The following C1orf115 variants were observed in gnomAD, a reference collection of about 807,000 sequenced individuals.
C1orf115 encodes required for drug-induced death protein 1.
Under a neutral mutation model 12.5 loss-of-function variants are expected in C1orf115, and 14 were observed. That is an observed-to-expected ratio of 1.12 (90% CI 0.74 to 1.75). The LOEUF (loss-of-function observed/expected upper bound fraction) is 1.75. C1orf115 is among the 40% of genes most tolerant of loss of function. The pLI is 0.00. For synonymous variants in C1orf115, 109 were observed against 104.6 expected (o/e 1.04, Z -0.26); for missense variants, 237 against 220.8 (o/e 1.07, Z -0.46).
chr1:220,690,787 C>A, intron 1 of C1orf115, 76 bp downstream of exon 1: 1 of 1,486,604 alleles, frequency 6.7e-7, no homozygotes, highest in Non-Finnish European at 9.0e-7. Flanking sequence ...CGGGTCCTTA[C>A]CATCGACTCA....
rs1670232744 is a variant in C1orf115 at position 220,698,980 on chromosome 1, G to T, written c.*2249G>T. On this transcript the variant is annotated 3_prime_UTR_variant, in exon 2 of 2. Coordinates refer to ENST00000294889, the MANE Select transcript of C1orf115 (RefSeq NM_024709.5). Reference sequence around the variant, plus strand: ...CCTGGAGTGTAAGCATTTGGATTGTGTCACAGATTACCTTTTTACCTTTTC... The same window carrying T: ...CCTGGAGTGTAAGCATTTGGATTGTTTCACAGATTACCTTTTTACCTTTTC... 1 of 152,078 alleles carries T rather than the reference G, an allele frequency of 6.6e-6. No individual in the cohort carries two copies. The highest frequency in any genetic ancestry group is 1.5e-5 in the Non-Finnish European group (1 of 68,022). 9.4% of individuals were successfully genotyped at this position (152,078 alleles called of 1,614,324 possible).
At chr1:220,694,034 C>T (rs753478006) in intron 1 of C1orf115, among the ~76,000 whole-genome samples, 6 of 143,922 alleles carry the variant, frequency 4.2e-5, no homozygotes, top group African/African-American at 1.3e-4. Context: ...GAGCTGAGAT[C>T]GCGCCATTGC....
chr1:220,691,466 G>A (rs988776245), intron 1 of C1orf115, among the ~76,000 whole-genome samples: 1 of 152,150 alleles, frequency 6.6e-6, no homozygotes, highest in African/African-American at 2.4e-5. Flanking sequence ...AGTCACAGAA[G>A]TTACTGTGTC....
At chr1:220,695,057 A>C (rs907672908) in intron 1 of C1orf115, among the ~76,000 whole-genome samples, 16 of 152,202 alleles carry the variant, frequency 1.1e-4, no homozygotes, top group Non-Finnish European at 2.1e-4. Context: ...AGAAAGACAG[A>C]AAAGCGTCCA....
chr1:220,693,889 A>T lies in C1orf115; in HGVS notation c.310-2723A>T, dbSNP rs147421005. Among the ~76,000 whole-genome samples the T allele has an allele frequency of 7.2e-5, 11 of 152,080 alleles. No individual in the cohort carries two copies. In the East Asian group the frequency reaches 2.1e-3, roughly 30 times the overall value. On this transcript the variant is annotated intron_variant, in intron 1 of 1. Transcript: ENST00000294889. The stretch of plus-strand genomic sequence containing the variant: ...AGGTCAGGAGCTGGAAACCAGACTG[A>T]CGAACATGGTGAACCCTGTCTCTAC...
chr1:220,697,301 A>C lies in C1orf115; in HGVS notation c.*570A>C, dbSNP rs1232009424. The C allele has an allele frequency of 6.6e-6, 1 of 152,204 alleles. No individual in the cohort carries two copies. The highest frequency in any genetic ancestry group is 1.5e-5 in the Non-Finnish European group (1 of 68,100). 9.4% of individuals were successfully genotyped at this position (152,204 alleles called of 1,614,324 possible). ...TTACAGGCTTGAGGAGAAGAAAGGA[A>C]GAAAAGATATCTTGATGCTTTGAAA... On this transcript the variant is annotated 3_prime_UTR_variant, in exon 2 of 2. Transcript: ENST00000294889. This position sits in a 1 kb window ranked among gnomAD's most constrained non-coding sequence, Gnocchi z 4.5.
chr1:220,690,435 G>A lies in C1orf115; in HGVS notation c.33G>A (p.Ala11=). The A allele has an allele frequency of 6.9e-7, 1 of 1,443,546 alleles. No homozygotes were observed. The highest frequency in any genetic ancestry group is 9.0e-7 in the Non-Finnish European group (1 of 1,106,338). The allele number at this position is 1,443,546 out of a possible 1,614,324, so 89.4% of individuals were successfully genotyped here. A position where few individuals can be genotyped will look rare whatever the true frequency, so the allele number is the denominator to read the frequency against. MTVGARLRSK[A]ESSLLRRGPR... ...TGGGAGCCAGGCTCCGAAGCAAGGC[G>A]GAGAGCAGCCTCCTGCGCCGCGGGC... Residue 11 remains alanine (A), a synonymous_variant, in exon 1 of 2, where the codon GCG becomes GCA. Coordinates refer to ENST00000294889, the MANE Select transcript of C1orf115 (RefSeq NM_024709.5).
chr1:220,693,236 C>A (rs1670139916), intron 1 of C1orf115, among the ~76,000 whole-genome samples: 1 of 152,196 alleles, frequency 6.6e-6, no homozygotes, highest in Non-Finnish European at 1.5e-5. Flanking sequence ...CATTTCATTT[C>A]TCAAATCTGT....
intron 1 of C1orf115, among the ~76,000 whole-genome samples, chr1:220,693,410 A>G (rs568719886): frequency 7.9e-5 from 12 of 152,336 alleles, no homozygotes; most frequent in African/African-American, 2.6e-4. Context: ...GATCTTGTTT[A>G]TAATGGATCA....
At chr1:220,693,665 T>A (rs116823657) in intron 1 of C1orf115, among the ~76,000 whole-genome samples, 1 of 152,236 alleles carries the variant, frequency 6.6e-6, no homozygotes, top group Non-Finnish European at 1.5e-5. Flanking sequence ...AGCTCCTCAT[T>A]TAGCGGGAGA....
At chr1:220,694,664 C>T (rs915226557) in intron 1 of C1orf115, among the ~76,000 whole-genome samples, 2 of 152,182 alleles carry the variant, frequency 1.3e-5, no homozygotes, top group African/African-American at 2.4e-5. Context: ...AGCCAATCCA[C>T]GTTAGGTTTA....
chr1:220,694,532 T>G (rs1670159606), intron 1 of C1orf115, among the ~76,000 whole-genome samples: 1 of 152,200 alleles, frequency 6.6e-6, no homozygotes. Flanking sequence ...TGAAGTGAGA[T>G]TTCTTTGGGA....
rs1670230490 is a variant in C1orf115, at chr1:220,698,842, A to C, written c.*2111A>C. On this transcript the variant is annotated 3_prime_UTR_variant, in exon 2 of 2. Coordinates refer to ENST00000294889, the MANE Select transcript of C1orf115 (RefSeq NM_024709.5). ...CTAATGTCAAAAGTCAAAACCTCCT[A>C]GGGGTTGTCCTGGGAGTCAGGTTCA... 1.3e-5 allele frequency: 2 copies of C among 152,114 alleles called. No homozygotes were observed. The highest frequency in any genetic ancestry group is 2.9e-5 in the Non-Finnish European group (2 of 68,026). The allele number at this position is 152,114 out of a possible 1,614,324, so 9.4% of individuals were successfully genotyped here.
At position 220,696,762 on chromosome 1, in the gene C1orf115, T is replaced by C. The variant is rs758064725; in HGVS notation, c.*31T>C. The C allele has an allele frequency of 4.5e-6, 7 of 1,556,550 alleles. No individual in the cohort carries two copies. The South Asian group carries it at 8.2e-5, about 18-fold the overall frequency. ...GCTGCTGTGGCAGGTGCCCCCAGAG[T>C]GAACGGGAGCCCCTGCTGTGGGAAC... On this transcript the variant is annotated 3_prime_UTR_variant, in exon 2 of 2. Transcript: ENST00000294889.
chr1:220,696,299 G>A (rs1451821276), intron 1 of C1orf115, among the ~76,000 whole-genome samples: 1 of 152,174 alleles, frequency 6.6e-6, no homozygotes, highest in Non-Finnish European at 1.5e-5. Context: ...AAATAAAACT[G>A]CTTTAGTTTT....
Position 220,690,525 on chromosome 1 carries a change from C to G in C1orf115, c.123C>G (p.Tyr41Ter), listed in dbSNP as rs1670081824. 6.9e-7 allele frequency: 1 copy of G among 1,442,314 alleles called. No homozygotes were observed. The highest frequency in any genetic ancestry group is 9.1e-7 in the Non-Finnish European group (1 of 1,104,148). The allele number at this position is 1,442,314 out of a possible 1,614,324, so 89.3% of individuals were successfully genotyped here. ...EAAAILEHLE[Y>*]ADEAEAAAES... The stretch of plus-strand genomic sequence containing the variant: ...CCGCCATCCTGGAGCACCTGGAGTA[C>G]GCGGACGAGGCGGAGGCGGCGGCCG... The change falls in exon 1 of 2, where the codon TAC (tyrosine) becomes TAG (stop). Residue 41 changes from tyrosine (Y) to a stop codon, truncating the protein, a stop_gained. Coordinates refer to ENST00000294889, the MANE Select transcript of C1orf115 (RefSeq NM_024709.5). LOFTEE classifies it high-confidence loss of function.
rs1409190124 is a variant in C1orf115 at position 220,697,037 on chromosome 1, C to T, written c.*306C>T. On this transcript the variant is annotated 3_prime_UTR_variant, in exon 2 of 2. Transcript: ENST00000294889. The surrounding 1 kb of genome is among the most constrained non-coding windows in gnomAD (Gnocchi z 4.5). ...CACGTGAAGGTGGCAGGCACTGGGG[C>T]GGAAGCCAACACTCAACAGATGCAA... 3 of 223,918 alleles carry T rather than the reference C, an allele frequency of 1.3e-5. No homozygotes were observed. Among genetic ancestry groups the T allele is most frequent in the African/African-American group, 2.2e-5 (1 of 44,464 alleles). 13.9% of individuals were successfully genotyped at this position (223,918 alleles called of 1,614,324 possible). A position where few individuals can be genotyped will look rare whatever the true frequency, so the allele number is the denominator to read the frequency against.
chr1:220,690,876 A>G (rs1236023387), intron 1 of C1orf115, among the ~76,000 whole-genome samples, 165 bp downstream of exon 1: 2 of 152,034 alleles, frequency 1.3e-5, no homozygotes, highest in African/African-American at 4.8e-5. Flanking sequence ...GCGAGTTGCG[A>G]GTCGTGATAG....
chr1:220,699,047 T>C lies in C1orf115; in HGVS notation c.*2316T>C, dbSNP rs1237220592. 6.6e-6 allele frequency: 1 copy of C among 152,248 alleles called. No homozygotes were observed. Among genetic ancestry groups the C allele is most frequent in the Non-Finnish European group, 1.5e-5 (1 of 68,050 alleles). 9.4% of individuals were successfully genotyped at this position (152,248 alleles called of 1,614,324 possible). ...TTTTTCAATATCAGTGCCCACACCTTACTGAGTATTGAGTTTTAGAGCTTT... is the reference window on the plus strand; with the variant it reads ...TTTTTCAATATCAGTGCCCACACCTCACTGAGTATTGAGTTTTAGAGCTTT... On this transcript the variant is annotated 3_prime_UTR_variant, in exon 2 of 2. Transcript: ENST00000294889.
Sources: gnomAD v4.1 joint callset for allele counts (sites outside exome capture counted in the v4.1 genomes callset) on GRCh38, gnomAD v4.1.1 for gene constraint, Gnocchi (gnomAD v3.1) non-coding constraint, MANE v1.5 for transcripts, NCBI Gene and HGNC (gene_info 2026-07-23, HGNC 2026-07-21) for gene names.